Variants in PARN observed in about 807,000 individuals in gnomAD.
PARN encodes the protein poly(A)-specific ribonuclease, also known as poly(A)-specific ribonuclease PARN.
PARN carries 71 observed loss-of-function variants against 102.8 expected under a neutral mutation model. That is an observed-to-expected ratio of 0.69 (90% CI 0.57 to 0.84). The LOEUF is 0.84. PARN is among the 40% of genes least tolerant of loss of function. PARN has a pLI of 0.00. For synonymous variants in PARN, 261 were observed against 252.9 expected, an observed-to-expected ratio of 1.03 and a Z score of -0.30; for missense variants, 782 against 760.9, an observed-to-expected ratio of 1.03 and a Z score of -0.33.
At chr16:14,527,338 C>T (rs554702189) in intron 21 of PARN, among the ~76,000 whole-genome samples, 1 of 152,340 alleles carries the variant, frequency 6.6e-6, no homozygotes, top group African/African-American at 2.4e-5. Context: ...CTTTCTTCAA[C>T]CCTTCTCTAT....
At chr16:14,494,261 G>C (rs1411958172) in intron 21 of PARN, among the ~76,000 whole-genome samples, 1 of 152,156 alleles carries the variant, frequency 6.6e-6, no homozygotes, top group Non-Finnish European at 1.5e-5. Context: ...ATTCATTCAT[G>C]AACAAACTAT....
chr16:14,503,926 T>C (rs895809900), intron 21 of PARN, among the ~76,000 whole-genome samples: 5 of 152,212 alleles, frequency 3.3e-5, no homozygotes, highest in South Asian at 4.1e-4. Context: ...AATGACCACC[T>C]ACTCTGCTAG....
At chr16:14,449,109 A>T (rs1961333567) in intron 22 of PARN, among the ~76,000 whole-genome samples, 1 of 152,206 alleles carries the variant, frequency 6.6e-6, no homozygotes, top group Non-Finnish European at 1.5e-5. Flanking sequence ...TCGCATTGTA[A>T]ATTCAGGAAC....
At chr16:14,627,364 A>T in intron 3 of PARN, 28 bp from the exon 4 acceptor site, 1 of 1,522,700 alleles carries the variant, frequency 6.6e-7, no homozygotes, top group Non-Finnish European at 9.0e-7. Flanking sequence ...AACATCTGTC[A>T]CAAAAGTGCT....
At chr16:14,627,393 T>A in intron 3 of PARN, 57 bp from the exon 4 acceptor site, 1 of 1,262,554 alleles carries the variant, frequency 7.9e-7, no homozygotes, top group Non-Finnish European at 1.1e-6. Flanking sequence ...CATGTGAGCA[T>A]AGCATTCTCA....
intron 18 of PARN, among the ~76,000 whole-genome samples, chr16:14,574,576 G>C (rs1969000218): frequency 6.6e-6 from 1 of 152,080 alleles, no homozygotes; most frequent in Admixed American, 6.6e-5. Context: ...AGCTGGGCGT[G>C]GTGGCGCACA....
At chr16:14,625,579 T>A (rs956045848) in intron 5 of PARN, among the ~76,000 whole-genome samples, 1 of 152,234 alleles carries the variant, frequency 6.6e-6, no homozygotes, top group Non-Finnish European at 1.5e-5. Flanking sequence ...ATTAACTGAT[T>A]GCAGGGTAAA....
Position 14,452,307 on chromosome 16 carries a change from T to C in PARN, c.1671-5226A>G, listed in dbSNP as rs142442734. Among the ~76,000 whole-genome samples, 102 of 152,356 alleles carry C rather than the reference T, an allele frequency of 6.7e-4. No individual in the cohort carries two copies. In the East Asian group the frequency reaches 0.019, roughly 28 times the overall value. On this transcript the variant is annotated intron_variant, in intron 22 of 23. Transcript: ENST00000437198. ...TCTGCCAGATGTGCTTCTGCAGGGT[T>C]CTTGTTTCTATGGAACATTTAAGTT... is the stretch of plus-strand genomic sequence containing the variant.
At chr16:14,468,619 G>A (rs546881071) in intron 22 of PARN, among the ~76,000 whole-genome samples, 13 of 152,264 alleles carry the variant, frequency 8.5e-5, no homozygotes, top group Non-Finnish European at 1.8e-4. Flanking sequence ...ATTCTGTTCG[G>A]AACCTGTGGA....
chr16:14,547,643 G>C (rs941538199), intron 21 of PARN, among the ~76,000 whole-genome samples: 2 of 152,018 alleles, frequency 1.3e-5, no homozygotes, highest in African/African-American at 4.8e-5. Context: ...CCAGGAGTTC[G>C]AGGCTGCAGT....
chr16:14,549,205 A>G (rs1175878701), intron 21 of PARN, among the ~76,000 whole-genome samples: 5 of 152,196 alleles, frequency 3.3e-5, no homozygotes, highest in South Asian at 2.1e-4. Flanking sequence ...AAGAAAAGAG[A>G]CTATACCGGA....
Position 14,593,379 on chromosome 16 carries a change from C to T in PARN, c.841-1G>A, listed in dbSNP as rs1300273894. ...TATTGTGTCCAATAACAAGTTTTCC[C>T]TAAAGAAAGTCAAGGTTAGAAAAAA... On this transcript the variant is annotated splice_acceptor_variant, in intron 12 of 23. Transcript: ENST00000437198. LOFTEE classifies it high-confidence loss of function. The T allele has an allele frequency of 6.4e-7, 1 of 1,571,676 alleles. No individual in the cohort carries two copies.
chr16:14,533,982 G>A (rs750518980), intron 21 of PARN, among the ~76,000 whole-genome samples: 1 of 152,176 alleles, frequency 6.6e-6, no homozygotes, highest in Non-Finnish European at 1.5e-5. Context: ...AGCACTTTGG[G>A]AGGCTGAGGC....
At position 14,451,843 on chromosome 16, in the gene PARN, T is replaced by C. The variant is rs1166297353; in HGVS notation, c.1671-4762A>G. Reference sequence around the variant, plus strand: ...GGGCAATGTGGAGAAACCCCGTCTCTAAAAAAAAAAAAAAAAAAAAAAATA... The same window carrying C: ...GGGCAATGTGGAGAAACCCCGTCTCCAAAAAAAAAAAAAAAAAAAAAAATA... On this transcript the variant is annotated intron_variant, in intron 22 of 23. Coordinates refer to ENST00000437198, the MANE Select transcript of PARN (RefSeq NM_002582.4). Among the ~76,000 whole-genome samples the C allele has an allele frequency of 2.0e-4, 11 of 54,620 alleles. No individual in the cohort carries two copies. The South Asian group carries it at 3.2e-3, about 16-fold the overall frequency. 35.8% of individuals were successfully genotyped at this position (54,620 alleles called of 152,430 possible).
chr16:14,599,334 T>C (rs1970737992), intron 12 of PARN, among the ~76,000 whole-genome samples: 1 of 152,222 alleles, frequency 6.6e-6, no homozygotes, highest in Admixed American at 6.5e-5. Context: ...TGAGCCACTA[T>C]GCCCGGCCGC....
At chr16:14,542,802 C>T (rs1966849590) in intron 21 of PARN, among the ~76,000 whole-genome samples, 1 of 151,968 alleles carries the variant, frequency 6.6e-6, no homozygotes, top group African/African-American at 2.4e-5. Flanking sequence ...GAAACGAACA[C>T]AGAAAAAAGG....
chr16:14,505,167 TCTTA>T (rs1485986569), intron 21 of PARN, among the ~76,000 whole-genome samples: 3 of 152,252 alleles, frequency 2.0e-5, no homozygotes, highest in African/African-American at 4.8e-5. Flanking sequence ...AATCTGGCAA[TCTTA>T]CTTACTGAAA....
intron 16 of PARN, among the ~76,000 whole-genome samples, chr16:14,583,046 C>T (rs1969627347): frequency 6.6e-6 from 1 of 152,190 alleles, no homozygotes; most frequent in Admixed American, 6.5e-5. Context: ...GCACAACCAA[C>T]TCCAAAAATA....
intron 21 of PARN, among the ~76,000 whole-genome samples, chr16:14,492,612 C>T (rs1964117350): frequency 6.6e-6 from 1 of 152,332 alleles, no homozygotes; most frequent in African/African-American, 2.4e-5. Context: ...CCCCATCCTT[C>T]CCCTCAATTA....
Sources: allele counts gnomAD v4.1 joint callset (sites outside exome capture counted in the v4.1 genomes callset), GRCh38; gene constraint gnomAD v4.1.1; transcripts MANE v1.5; gene names NCBI Gene and HGNC (gene_info 2026-07-23, HGNC 2026-07-21).